PCDHGA6: variants seen among roughly 807,000 people sequenced by gnomAD.
The protein encoded by PCDHGA6 is protocadherin gamma-A6.
PCDHGA6 carries 41 observed loss-of-function variants against 60.6 expected under a neutral mutation model. The ratio of observed to expected loss-of-function variants is 0.68; its 90% CI spans 0.53 to 0.88. The LOEUF is 0.88. Ranked by LOEUF, PCDHGA6 falls within the 40% of genes least tolerant of loss-of-function variation. The pLI is 0.00. For synonymous variants in PCDHGA6, 594 were observed against 524.4 expected (o/e 1.13, Z -1.81); for missense variants, 1,312 against 1,203.0 (o/e 1.09, Z -1.34).
chr5:141,414,330 G>A (rs1472752550), intron 1 of PCDHGA6: 2 of 1,613,714 alleles, frequency 1.2e-6, no homozygotes, highest in Non-Finnish European at 1.7e-6. Flanking sequence ...AGAATGGACA[G>A]GTAACCTGTT....
intron 1 of PCDHGA6, among the ~76,000 whole-genome samples, chr5:141,473,185 G>A (rs1171761852): frequency 1.3e-5 from 2 of 152,188 alleles, no homozygotes; most frequent in Non-Finnish European, 2.9e-5. Flanking sequence ...ACTTGAAGGA[G>A]TAAATGTATC....
At chr5:141,399,010 G>C in intron 1 of PCDHGA6, 1 of 1,613,844 alleles carries the variant, frequency 6.2e-7, no homozygotes, top group Non-Finnish European at 8.5e-7. Flanking sequence ...TTCAAAGAGC[G>C]GAGAAATTAC....
chr5:141,505,618 A>G, intron 3 of PCDHGA6, 137 bp downstream of exon 3: 6 of 1,496,136 alleles, frequency 4.0e-6, no homozygotes, highest in Non-Finnish European at 5.4e-6. Flanking sequence ...GAAAGGACCC[A>G]CAATTCCAAA....
intron 1 of PCDHGA6, chr5:141,409,468 C>T (rs1256188577): frequency 1.9e-6 from 3 of 1,613,948 alleles, no homozygotes; most frequent in Admixed American, 1.7e-5. Flanking sequence ...ATGTCACCAT[C>T]GTAGCCACTG....
intron 1 of PCDHGA6, among the ~76,000 whole-genome samples, chr5:141,435,652 G>C (rs978809372): frequency 6.6e-6 from 1 of 152,108 alleles, no homozygotes; most frequent in Non-Finnish European, 1.5e-5. Context: ...TTTCTGAAAC[G>C]TGCACAGATT....
rs748457785 is a variant in PCDHGA6 at position 141,489,197 on chromosome 5, A to G, written c.2425-5610A>G. On this transcript the variant is annotated intron_variant, in intron 1 of 3. Coordinates refer to ENST00000517434, the MANE Select transcript of PCDHGA6 (RefSeq NM_018919.3). This position sits in a 1 kb window ranked among gnomAD's most constrained non-coding sequence, Gnocchi z 4.5. ...TCCAAGCCCTGGGTCTACCTTGGAG[A>G]CAGGACAGCACAGACTTACTCTCCA... 7 of 1,391,050 alleles carry G rather than the reference A, an allele frequency of 5.0e-6. No individual in the cohort carries two copies. Among genetic ancestry groups the G allele is most frequent in the African/African-American group, 2.9e-5 (2 of 69,150 alleles). 86.2% of individuals were successfully genotyped at this position (1,391,050 alleles called of 1,614,324 possible).
chr5:141,502,524 C>T (rs959562458), intron 2 of PCDHGA6, among the ~76,000 whole-genome samples: 3 of 151,910 alleles, frequency 2.0e-5, no homozygotes, highest in East Asian at 1.9e-4. Flanking sequence ...TCAGTGATGC[C>T]GAGTTTGTTC....
intron 1 of PCDHGA6, among the ~76,000 whole-genome samples, chr5:141,455,028 G>A (rs2098810519): frequency 6.6e-6 from 1 of 150,780 alleles, no homozygotes; most frequent in Non-Finnish European, 1.5e-5. Flanking sequence ...TAGCCAGGAT[G>A]GTCTCGATCT....
At chr5:141,393,622 A>G (rs776047060) in intron 1 of PCDHGA6, 2 of 1,613,960 alleles carry the variant, frequency 1.2e-6, no homozygotes, top group Non-Finnish European at 1.7e-6. Flanking sequence ...AGCGACCCGG[A>G]TGAGGGAATC....
At chr5:141,423,852 G>T (rs796757517) in intron 1 of PCDHGA6, 36 of 1,279,400 alleles carry the variant, frequency 2.8e-5, no homozygotes, top group Non-Finnish European at 3.5e-5. Context: ...CTTTCAGAAC[G>T]TTTTTGTGAA....
chr5:141,428,388 C>A, intron 1 of PCDHGA6: 1 of 506,160 alleles, frequency 2.0e-6, no homozygotes, highest in African/African-American at 1.9e-5. Flanking sequence ...GCTCTTCCAG[C>A]CCCTCTGCCT....
intron 1 of PCDHGA6, chr5:141,417,867 G>C (rs1182017096): frequency 1.9e-6 from 3 of 1,552,610 alleles, no homozygotes; most frequent in African/African-American, 2.7e-5. Flanking sequence ...ACGATGGGAG[G>C]GAGCTGCGCG....
chr5:141,409,769 G>A (rs1413636372), intron 1 of PCDHGA6: 19 of 1,612,658 alleles, frequency 1.2e-5, no homozygotes, highest in Non-Finnish European at 1.5e-5. Context: ...CTTTGATCAC[G>A]AGCAGCTGCG....
intron 1 of PCDHGA6, among the ~76,000 whole-genome samples, chr5:141,436,290 T>C (rs2097808305): frequency 6.6e-6 from 1 of 152,164 alleles, no homozygotes; most frequent in Non-Finnish European, 1.5e-5. Flanking sequence ...GAACAAATCA[T>C]TGAGAGTTAG....
chr5:141,392,883 T>C, intron 1 of PCDHGA6: 1 of 1,613,518 alleles, frequency 6.2e-7, no homozygotes, highest in Non-Finnish European at 8.5e-7. Flanking sequence ...GGGAACGCTG[T>C]GGGAAATCGG....
In PCDHGA6 at chr5:141,505,352, C is replaced by T. The variant is rs371829394; in HGVS notation, c.2484-41C>T. 1.5e-5 allele frequency: 25 copies of T among 1,613,302 alleles called. No individual in the cohort carries two copies. In the South Asian group the frequency reaches 2.7e-4, roughly 18 times the overall value. ...AGGACAGGAGGGGCATGAGCTGTGCCGGCCTGGGAGTCTGTGCTCACCATC... is the reference window on the plus strand; with the variant it reads ...AGGACAGGAGGGGCATGAGCTGTGCTGGCCTGGGAGTCTGTGCTCACCATC... On this transcript the variant is annotated intron_variant, in intron 2 of 3. Transcript: ENST00000517434.
intron 2 of PCDHGA6, among the ~76,000 whole-genome samples, chr5:141,502,723 G>C (rs771399677): frequency 3.9e-5 from 6 of 152,124 alleles, no homozygotes; most frequent in Non-Finnish European, 8.8e-5. Flanking sequence ...TGATTACAAA[G>C]CGGTGATGTT....
At chr5:141,380,278 A>G (rs1443350334) in intron 1 of PCDHGA6, among the ~76,000 whole-genome samples, 3 of 152,216 alleles carry the variant, frequency 2.0e-5, no homozygotes, top group African/African-American at 7.2e-5. Context: ...TCAGAGGAGA[A>G]ACATTGGAAG....
Position 141,511,843 on chromosome 5 carries a change from GT to G in PCDHGA6, c.*674del, listed in dbSNP as rs1413398495. On this transcript the variant is annotated 3_prime_UTR_variant, in exon 4 of 4. Coordinates refer to ENST00000517434, the MANE Select transcript of PCDHGA6 (RefSeq NM_018919.3). ...CCAACGCCCTGGGGACCAGTCTTCT[GT>G]TTTGTTTTTCATTGTTTGACGTTTC... 1 of 156,550 alleles carries G rather than the reference GT, an allele frequency of 6.4e-6. No individual in the cohort carries two copies. The highest frequency in any genetic ancestry group is 2.4e-5 in the African/African-American group (1 of 41,452). The allele number at this position is 156,550 out of a possible 1,614,324, so 9.7% of individuals were successfully genotyped here. A position where few individuals can be genotyped will look rare whatever the true frequency, so the allele number is the denominator to read the frequency against.
Sources: allele counts gnomAD v4.1 joint callset (sites outside exome capture counted in the v4.1 genomes callset), GRCh38; gene constraint gnomAD v4.1.1; non-coding constraint Gnocchi (gnomAD v3.1); transcripts MANE v1.5; gene names NCBI Gene and HGNC (gene_info 2026-07-23, HGNC 2026-07-21).